Variants in KRT8 observed in about 807,000 individuals in gnomAD.
KRT8 encodes keratin 8.
Under a neutral mutation model 43.0 loss-of-function variants are expected in KRT8, and 24 were observed. The observed-to-expected ratio is 0.56, with a 90% CI of 0.40 to 0.78. The LOEUF (loss-of-function observed/expected upper bound fraction) is 0.78. Ranked by LOEUF, KRT8 falls within the 30% of genes least tolerant of loss-of-function variation. The pLI, the probability that KRT8 is intolerant of heterozygous loss-of-function variation, is 0.00. For missense variants in KRT8, 492 were observed against 638.4 expected (o/e 0.77, Z 2.47); for synonymous variants, 214 against 261.2 (o/e 0.82, Z 1.74).
chr12:52,898,001 T>C (rs1941257061), intron 7 of KRT8, among the ~76,000 whole-genome samples: 1 of 152,040 alleles, frequency 6.6e-6, no homozygotes, highest in Admixed American at 6.6e-5. Context: ...CCGTCTCTAC[T>C]AAAAATACAA....
At chr12:52,904,872 C>T in exon 1 of KRT8, 1 of 1,612,784 alleles carries the variant, frequency 6.2e-7, no homozygotes, top group Non-Finnish European at 8.5e-7. Context: ...TCGGGAGAAG[C>T]TCGAGGAGCT....
chr12:52,898,293 G>A (rs550766445), intron 7 of KRT8, among the ~76,000 whole-genome samples, 168 bp downstream of exon 7: 2 of 152,320 alleles, frequency 1.3e-5, no homozygotes, highest in South Asian at 4.1e-4. Flanking sequence ...AAGTAATAAA[G>A]TTATTACTGG....
At chr12:52,906,700 A>G (rs892073420), upstream of KRT8, 3 of 455,726 alleles carry the variant, frequency 6.6e-6, no homozygotes, top group Non-Finnish European at 1.3e-5. Context: ...TGATGTGGGG[A>G]CTGGATGAAA....
At chr12:52,922,468 T>C (rs1941908317) in intron 2 of KRT8, among the ~76,000 whole-genome samples, 2 of 152,212 alleles carry the variant, frequency 1.3e-5, no homozygotes, top group Non-Finnish European at 1.5e-5. Flanking sequence ...AGCTCAGAAG[T>C]TCAAGGCCAG....
At chr12:52,928,049 ACT>A (rs902211142) in intron 2 of KRT8, among the ~76,000 whole-genome samples, 11 of 152,080 alleles carry the variant, frequency 7.2e-5, no homozygotes, top group African/African-American at 1.9e-4. Flanking sequence ...CAAAAGCAAG[ACT>A]CTGTCTCAAA....
rs58262021 is a variant in KRT8, at chr12:52,904,766, C to T, written c.216G>A (p.Leu72=). The T allele has an allele frequency of 7.7e-5, 124 of 1,612,412 alleles. No individual in the cohort carries two copies. Among genetic ancestry groups the T allele is most frequent in the Non-Finnish European group, 9.7e-5 (115 of 1,179,980 alleles). The change falls in exon 1 of 8, where the codon CTG becomes CTA. Residue 72 remains leucine, a synonymous_variant. Transcript: ENST00000692008. ...CCACCTCCAGGACAAGGGGGCTCAG[C>T]AGGCTCTGGTTGACCGTAACTGCGG... is the stretch of plus-strand genomic sequence containing the variant.
At chr12:52,933,390 A>G (rs1942115945) in intron 2 of KRT8, among the ~76,000 whole-genome samples, 1 of 152,242 alleles carries the variant, frequency 6.6e-6, no homozygotes, top group African/African-American at 2.4e-5. Flanking sequence ...GCTGAAAAGT[A>G]TAAAACATTA....
chr12:52,929,325 G>A (rs1942047266), intron 2 of KRT8, among the ~76,000 whole-genome samples: 1 of 151,824 alleles, frequency 6.6e-6, no homozygotes. Flanking sequence ...CTGAGTAGCT[G>A]GGATTACAGG....
At chr12:52,930,927 A>T (rs536519216) in intron 2 of KRT8, among the ~76,000 whole-genome samples, 1 of 152,196 alleles carries the variant, frequency 6.6e-6, no homozygotes, top group East Asian at 1.9e-4. Flanking sequence ...TTGAGTCATT[A>T]TTACTACTTA....
At chr12:52,948,626 A>G (rs2120757469) in intron 2 of KRT8, 2 of 301,376 alleles carry the variant, frequency 6.6e-6, no homozygotes, top group East Asian at 1.1e-4. Context: ...CAAGTAGCTG[A>G]GACTACAGGC....
chr12:52,938,137 T>TATAC (rs1491544171), intron 2 of KRT8, among the ~76,000 whole-genome samples: 264 of 26,058 alleles, frequency 0.01, 8 homozygotes, highest in African/African-American at 0.035. Flanking sequence ...ACTAGAAAGC[T>TATAC]ATATATATAT....
At position 52,916,628 on chromosome 12, in the gene KRT8, T is replaced by C. The variant is rs1414009439; in HGVS notation, c.-46-11601A>G. 3.9e-5 allele frequency among the ~76,000 whole-genome samples: 6 copies of C among 152,288 alleles called. No individual in the cohort carries two copies. The East Asian group carries it at 7.7e-4, about 20-fold the overall frequency. ...CCCAGAGTAGATGCTCCAGAGTAAA[T>C]GTATAGACCCTCCCCTGAACATGCA... On this transcript the variant is annotated intron_variant, in intron 2 of 6. Transcript: ENST00000546826.
chr12:52,918,666 C>T (rs1251962581), intron 2 of KRT8, among the ~76,000 whole-genome samples: 2 of 152,190 alleles, frequency 1.3e-5, no homozygotes, highest in African/African-American at 4.8e-5. Context: ...GTAACAACTA[C>T]CTCAGAAGAC....
At chr12:52,930,063 T>C (rs73110481) in intron 2 of KRT8, among the ~76,000 whole-genome samples, 4,517 of 152,252 alleles carry the variant, frequency 0.03, 110 homozygotes, top group Non-Finnish European at 0.046. Flanking sequence ...CACTAGAACC[T>C]CTCACAGGAT....
upstream of KRT8, chr12:52,906,740 C>CAG (rs1455053648): frequency 2.2e-6 from 1 of 455,830 alleles, no homozygotes; most frequent in Non-Finnish European, 4.4e-6. Flanking sequence ...AGATGACAGC[C>CAG]AGATCCCCTT....
intron 1 of KRT8, 71 bp downstream of exon 1, chr12:52,904,587 G>A: frequency 7.1e-7 from 1 of 1,410,586 alleles, no homozygotes; most frequent in Non-Finnish European, 1.0e-6. Flanking sequence ...GGCTGGAGAT[G>A]TGCATAGGGA....
upstream of KRT8, among the ~76,000 whole-genome samples, chr12:52,908,842 C>A (rs1216494447): frequency 3.9e-5 from 6 of 152,046 alleles, no homozygotes; most frequent in Non-Finnish European, 1.5e-5. Context: ...CCCGTCTCTA[C>A]AAAAAATACA....
At chr12:52,949,321 C>G (rs78479490) in intron 2 of KRT8, 1 of 1,535,080 alleles carries the variant, frequency 6.5e-7, no homozygotes, top group Non-Finnish European at 8.8e-7. Flanking sequence ...CTCCGTGTCC[C>G]GCTCCACCAG....
At chr12:52,949,575 G>C in exon 2 of KRT8, 1 of 1,613,894 alleles carries the variant, frequency 6.2e-7, no homozygotes, top group South Asian at 1.1e-5. Context: ...AGATCATCGA[G>C]GACCTGAGGG....
Sources: allele counts gnomAD v4.1 joint callset (sites outside exome capture counted in the v4.1 genomes callset), GRCh38; gene constraint gnomAD v4.1.1; transcripts MANE v1.5; gene names NCBI Gene and HGNC (gene_info 2026-07-23, HGNC 2026-07-21).